COG5: variants seen among roughly 807,000 people sequenced by gnomAD.
The protein encoded by COG5 is conserved oligomeric Golgi complex subunit 5.
A neutral mutation model predicts 110.4 loss-of-function variants in COG5; 86 were observed. The ratio of observed to expected loss-of-function variants is 0.78; its 90% CI spans 0.65 to 0.93. The LOEUF (loss-of-function observed/expected upper bound fraction) is 0.93, where lower values mean the gene tolerates loss of function less well. Among genes scored for constraint, COG5 ranks in the 40% least tolerant of loss-of-function variants. COG5 has a pLI of 0.00. For synonymous variants in COG5, 360 were observed against 334.6 expected (o/e 1.08, Z -0.83); for missense variants, 1,077 against 987.0 (o/e 1.09, Z -1.22).
Position 107,558,005 on chromosome 7 carries a change from T to C in COG5, c.205A>G (p.Ser69Gly), listed in dbSNP as rs751293084. ...EQLAKLAQGI[S>G]QLDRELHLQV... is the part of the protein sequence containing the mutation. ...AAGTGTAGTTCTCTGTCCAACTGAC[T>C]GATTCCTTGGGCAAGTTTTGCTAGT... The change falls in exon 2 of 22, where the codon AGT becomes GGT. Residue 69 changes from serine (S) to glycine (G), a missense_variant. Physicochemically the swap from Ser to Gly is moderately conservative, Grantham distance 56. Transcript: ENST00000297135. 1 of 1,613,720 alleles carries C rather than the reference T, an allele frequency of 6.2e-7. No individual in the cohort carries two copies.
intron 16 of COG5, among the ~76,000 whole-genome samples, chr7:107,249,709 T>TGTGTGC (rs1554401059): frequency 6.9e-5 from 10 of 144,474 alleles, no homozygotes; most frequent in Middle Eastern, 3.5e-3. Flanking sequence ...TGTGTGTGTG[T>TGTGTGC]GTGTGTGTGT....
intron 10 of COG5, among the ~76,000 whole-genome samples, chr7:107,352,127 C>A: frequency 6.8e-6 from 1 of 147,398 alleles, no homozygotes; most frequent in East Asian, 2.0e-4. Flanking sequence ...TACTATGCAG[C>A]CATAAAAAAT....
intron 7 of COG5, among the ~76,000 whole-genome samples, chr7:107,409,310 G>A (rs1039622771): frequency 3.3e-5 from 5 of 150,324 alleles, no homozygotes; most frequent in African/African-American, 1.2e-4. Context: ...AGTTGAAATG[G>A]TTACCAATAT....
chr7:107,252,078 CA>C (rs1250989443), intron 16 of COG5, among the ~76,000 whole-genome samples: 1 of 152,034 alleles, frequency 6.6e-6, no homozygotes, highest in African/African-American at 2.4e-5. Context: ...TAAGTGAGCT[CA>C]GCACAGTGGT....
chr7:107,563,549 G>GC (rs1364585533), intron 1 of COG5: 11 of 492,122 alleles, frequency 2.2e-5, no homozygotes, highest in South Asian at 8.8e-5. Flanking sequence ...AGGCATGGGG[G>GC]GGGGGGGGGT....
Position 107,404,343 on chromosome 7 carries a change from C to G in COG5, c.669+8159G>C, listed in dbSNP as rs553414088. ...CTGAACATCTATTCAGGCTAAGAGC[C>G]TATAAACTAAGTGCGTAATCATTCA... On this transcript the variant is annotated intron_variant, in intron 7 of 21. Coordinates refer to ENST00000297135, the MANE Select transcript of COG5 (RefSeq NM_006348.5). 3.1e-4 allele frequency among the ~76,000 whole-genome samples: 47 copies of G among 152,140 alleles called. 1 individual carries two copies. The South Asian group carries it at 9.2e-3, about 30-fold the overall frequency.
Position 107,497,231 on chromosome 7 carries a change from C to T in COG5, c.538+30006G>A, listed in dbSNP as rs62483680. Among the ~76,000 whole-genome samples the T allele has an allele frequency of 1.7e-3, 261 of 152,130 alleles. 1 individual carries two copies. Among genetic ancestry groups the T allele is most frequent in the African/African-American group, 5.7e-3 (236 of 41,516 alleles). On this transcript the variant is annotated intron_variant, in intron 6 of 21. Transcript: ENST00000297135. ...GCCCTGTCTCTACAAAACAAACAAACGAACAAACAAGTATTAGCCTGCACC... is the reference window on the plus strand; with the variant it reads ...GCCCTGTCTCTACAAAACAAACAAATGAACAAACAAGTATTAGCCTGCACC...
chr7:107,524,812 T>C (rs1029938357), intron 6 of COG5, among the ~76,000 whole-genome samples: 2 of 152,200 alleles, frequency 1.3e-5, no homozygotes, highest in South Asian at 4.1e-4. Flanking sequence ...TTTTTAACAA[T>C]CTTTATAAAA....
chr7:107,362,586 G>T (rs1306152870), intron 8 of COG5, among the ~76,000 whole-genome samples, 166 bp from the exon 9 acceptor site: 7 of 152,036 alleles, frequency 4.6e-5, no homozygotes, highest in African/African-American at 1.7e-4. Context: ...AAGAAAGAAA[G>T]GGAAGCGACA....
chr7:107,214,753 C>A (rs1016273187), intron 19 of COG5, among the ~76,000 whole-genome samples: 1 of 151,948 alleles, frequency 6.6e-6, no homozygotes, highest in African/African-American at 2.4e-5. Flanking sequence ...AAAACCCTGT[C>A]TTTACCAAAA....
intron 6 of COG5, among the ~76,000 whole-genome samples, chr7:107,428,086 G>T (rs951718252): frequency 5.9e-5 from 9 of 152,112 alleles, no homozygotes; most frequent in African/African-American, 2.2e-4. Flanking sequence ...GAAAGGGTAG[G>T]TATATGTAAA....
At chr7:107,517,015 T>C (rs562002832) in intron 6 of COG5, among the ~76,000 whole-genome samples, 8 of 152,286 alleles carry the variant, frequency 5.3e-5, no homozygotes, top group Non-Finnish European at 1.0e-4. Flanking sequence ...GATGAACTAA[T>C]TGACAGAAGT....
chr7:107,406,461 A>G (rs948998509), intron 7 of COG5, among the ~76,000 whole-genome samples: 1 of 152,224 alleles, frequency 6.6e-6, no homozygotes, highest in Non-Finnish European at 1.5e-5. Context: ...AAGGAATACT[A>G]ACTTCCTAAA....
intron 10 of COG5, among the ~76,000 whole-genome samples, chr7:107,344,823 C>T (rs1207523820): frequency 6.6e-6 from 1 of 152,180 alleles, no homozygotes; most frequent in African/African-American, 2.4e-5. Context: ...CGCGCCTGGC[C>T]GACTGTTTTA....
At chr7:107,240,127 T>A (rs938213531) in intron 17 of COG5, among the ~76,000 whole-genome samples, 26 of 152,262 alleles carry the variant, frequency 1.7e-4, no homozygotes, top group Non-Finnish European at 2.5e-4. Context: ...TACATTTTAA[T>A]TTTTGTCTAA....
In COG5 at chr7:107,283,705, T is replaced by C. The variant is rs765531754; in HGVS notation, c.1341A>G (p.Leu447=). The C allele has an allele frequency of 1.9e-6, 3 of 1,614,044 alleles. No homozygotes were observed. The highest frequency in any genetic ancestry group is 2.5e-6 in the Non-Finnish European group (3 of 1,179,960). The part of the protein sequence containing the change: ...YDPEKALKDS[L]QPYEAAYLSK... ...ATAGATAAGCAGCCTCATAGGGTTG[T>C]AGTGAGTCTTTCAAAGCCTTTTCTG... Residue 447 remains leucine, a synonymous_variant, in exon 13 of 22, where the codon CTA becomes CTG. Coordinates refer to ENST00000297135, the MANE Select transcript of COG5 (RefSeq NM_006348.5).
rs538519339 is a variant in COG5 at position 107,413,819 on chromosome 7, A to T, written c.539-1187T>A. ...ACATTAAGCTAGACGCAAAGTGTGT[A>T]TTACTTTAATGCATCTGTTATTTGT... is the stretch of plus-strand genomic sequence containing the variant. On this transcript the variant is annotated intron_variant, in intron 6 of 21. Transcript: ENST00000297135. 7.2e-5 allele frequency among the ~76,000 whole-genome samples: 11 copies of T among 152,330 alleles called. No individual in the cohort carries two copies. In the South Asian group the frequency reaches 2.1e-3, roughly 29 times the overall value.
At chr7:107,515,762 TG>T (rs1799875627) in intron 6 of COG5, among the ~76,000 whole-genome samples, 1 of 152,246 alleles carries the variant, frequency 6.6e-6, no homozygotes, top group Non-Finnish European at 1.5e-5. Context: ...TTTGATTTAC[TG>T]TTAGTCAAAT....
chr7:107,283,293 TA>T (rs1202436244), intron 13 of COG5, among the ~76,000 whole-genome samples: 10 of 152,318 alleles, frequency 6.6e-5, no homozygotes, highest in Admixed American at 2.0e-4. Flanking sequence ...AGAAATTTAC[TA>T]TGATACAAAG....
Sources: allele counts gnomAD v4.1 joint callset (sites outside exome capture counted in the v4.1 genomes callset), GRCh38; gene constraint gnomAD v4.1.1; transcripts MANE v1.5; gene names NCBI Gene and HGNC (gene_info 2026-07-23, HGNC 2026-07-21).